XKR6: variants seen among roughly 807,000 people sequenced by gnomAD.
XKR6 encodes XK-related protein 6.
In XKR6, 22 loss-of-function variants were observed where a neutral mutation model predicts 56.7. The ratio of observed to expected loss-of-function variants is 0.39; its 90% CI spans 0.28 to 0.55. The LOEUF is 0.55. Ranked by LOEUF, XKR6 falls within the 20% of genes least tolerant of loss-of-function variation. The pLI, the probability that XKR6 is intolerant of heterozygous loss-of-function variation, is 0.66. For synonymous variants in XKR6, 524 were observed against 387.8 expected (o/e 1.35, Z -4.13); for missense variants, 852 against 889.0 (o/e 0.96, Z 0.53).
chr8:11,199,369 A>G (rs956204735), intron 1 of XKR6, among the ~76,000 whole-genome samples: 1 of 152,250 alleles, frequency 6.6e-6, no homozygotes, highest in Non-Finnish European at 1.5e-5. Flanking sequence ...ATCTGGACAA[A>G]CCATTAAAAA....
intron 1 of XKR6, among the ~76,000 whole-genome samples, chr8:10,987,599 A>G (rs188661149): frequency 6.6e-6 from 1 of 152,142 alleles, no homozygotes; most frequent in South Asian, 2.1e-4. Flanking sequence ...TCCTCCCCAC[A>G]TTCCCACAGT....
intron 1 of XKR6, among the ~76,000 whole-genome samples, chr8:11,075,876 G>A (rs1405133009): frequency 6.6e-6 from 1 of 151,884 alleles, no homozygotes; most frequent in Non-Finnish European, 1.5e-5. Flanking sequence ...CTGTCCCCCC[G>A]ACCCAAAAAA....
At chr8:11,020,775 G>C (rs577518662) in intron 1 of XKR6, among the ~76,000 whole-genome samples, 1 of 152,310 alleles carries the variant, frequency 6.6e-6, no homozygotes, top group East Asian at 1.9e-4. Context: ...CCTTACTGAA[G>C]TATGCTTCCC....
chr8:10,916,498 G>C (rs1586302091), intron 2 of XKR6, among the ~76,000 whole-genome samples: 1 of 152,220 alleles, frequency 6.6e-6, no homozygotes, highest in East Asian at 1.9e-4. Flanking sequence ...CTCCCACAAA[G>C]ACAGATGTGG....
At chr8:11,116,029 G>C (rs144287353) in intron 1 of XKR6, among the ~76,000 whole-genome samples, 2 of 152,298 alleles carry the variant, frequency 1.3e-5, no homozygotes, top group African/African-American at 4.8e-5. Context: ...ACTATTGGGA[G>C]TCATATCTGG....
At chr8:10,941,738 G>A (rs1462130091) in intron 1 of XKR6, among the ~76,000 whole-genome samples, 3 of 152,208 alleles carry the variant, frequency 2.0e-5, no homozygotes, top group Non-Finnish European at 2.9e-5. Flanking sequence ...GTGCTGTGGA[G>A]GTTGTGAGGA....
At chr8:11,111,843 C>A (rs576702179) in intron 1 of XKR6, 1 of 151,662 alleles carries the variant, frequency 6.6e-6, no homozygotes, top group Non-Finnish European at 1.5e-5. Context: ...ATATATTGAA[C>A]TTAGGGATCC....
intron 2 of XKR6, among the ~76,000 whole-genome samples, chr8:10,911,148 G>A (rs533726077): frequency 1.9e-4 from 29 of 151,980 alleles, no homozygotes; most frequent in East Asian, 3.9e-4. Context: ...TTTGTGAGCC[G>A]TGGGTAAAAA....
intron 1 of XKR6, among the ~76,000 whole-genome samples, chr8:10,965,282 C>G (rs1323281610): frequency 2.0e-5 from 3 of 152,218 alleles, no homozygotes; most frequent in Non-Finnish European, 2.9e-5. Context: ...GGCATGGATG[C>G]AAGCAGGGCA....
At chr8:11,033,579 G>A (rs980453036) in intron 1 of XKR6, among the ~76,000 whole-genome samples, 6 of 152,160 alleles carry the variant, frequency 3.9e-5, no homozygotes, top group African/African-American at 1.2e-4. Context: ...TGATGGTGAT[G>A]ATACTGTTAA....
intron 1 of XKR6, among the ~76,000 whole-genome samples, chr8:11,162,754 C>G (rs1054146937): frequency 1.3e-5 from 2 of 152,222 alleles, no homozygotes; most frequent in African/African-American, 4.8e-5. Context: ...GGTTTTAAGA[C>G]GGTCTGTCAG....
At chr8:11,100,648 C>G (rs1330850691) in intron 1 of XKR6, among the ~76,000 whole-genome samples, 1 of 152,202 alleles carries the variant, frequency 6.6e-6, no homozygotes, top group Non-Finnish European at 1.5e-5. Context: ...TAGCAACTTC[C>G]TACACTGAGA....
chr8:10,984,695 G>GCTCGCTCTCTCTCTCTCT (rs1491394669), intron 1 of XKR6, among the ~76,000 whole-genome samples: 12 of 56,336 alleles, frequency 2.1e-4, no homozygotes, highest in Non-Finnish European at 4.0e-4. Context: ...AAAATACATG[G>GCTCGCTCTCTCTCTCTCT]CTCTCTCTCT....
intron 1 of XKR6, among the ~76,000 whole-genome samples, chr8:11,180,752 T>C (rs2117086121): frequency 6.6e-6 from 1 of 151,598 alleles, no homozygotes; most frequent in Non-Finnish European, 1.5e-5. Context: ...AAAAAAAATA[T>C]AAAAATTAGC....
intron 1 of XKR6, among the ~76,000 whole-genome samples, chr8:11,118,035 T>G (rs1799265136): frequency 6.6e-6 from 1 of 152,274 alleles, no homozygotes; most frequent in South Asian, 2.1e-4. Context: ...TGAAGAATAA[T>G]GACGTTATTT....
chr8:10,998,596 G>T lies in XKR6; in HGVS notation c.765-73766C>A, dbSNP rs911284066. ...CAGCAGCTGATGAGGCAGAGACCTG[G>T]GTTCTGTCTCCAGCAGAGCAGGCTG... On this transcript the variant is annotated intron_variant, in intron 1 of 2. Coordinates refer to ENST00000416569, the MANE Select transcript of XKR6 (RefSeq NM_173683.4). 7.9e-5 allele frequency among the ~76,000 whole-genome samples: 12 copies of T among 152,206 alleles called. 1 individual carries two copies. The highest frequency in any genetic ancestry group is 2.9e-4 in the African/African-American group (12 of 41,440).
chr8:10,912,478 G>A (rs992876818), intron 2 of XKR6, among the ~76,000 whole-genome samples: 13 of 145,056 alleles, frequency 9.0e-5, no homozygotes, highest in African/African-American at 3.3e-4. Flanking sequence ...GAGAGAGAGA[G>A]AGAGAGAGAG....
intron 1 of XKR6, chr8:11,108,128 G>C (rs979146390): frequency 8.6e-6 from 3 of 350,130 alleles, no homozygotes; most frequent in Non-Finnish European, 1.7e-5. Flanking sequence ...AAAGGGACCC[G>C]TGTGTTGAAA....
intron 1 of XKR6, among the ~76,000 whole-genome samples, chr8:11,168,818 A>G (rs1802217443): frequency 6.6e-6 from 1 of 152,228 alleles, no homozygotes; most frequent in African/African-American, 2.4e-5. Flanking sequence ...CCACTCAGAT[A>G]CAGGAACAAG....
Sources: gnomAD v4.1 joint callset for allele counts (sites outside exome capture counted in the v4.1 genomes callset) on GRCh38, gnomAD v4.1.1 for gene constraint, MANE v1.5 for transcripts, NCBI Gene and HGNC (gene_info 2026-07-23, HGNC 2026-07-21) for gene names.